The following DLC1 variants were observed in gnomAD, a reference collection of about 807,000 sequenced individuals.
DLC1 encodes rho GTPase-activating protein 7.
DLC1 carries 54 observed loss-of-function variants against 140.3 expected under a neutral mutation model. The ratio of observed to expected loss-of-function variants is 0.38; its 90% CI spans 0.31 to 0.48. The LOEUF (loss-of-function observed/expected upper bound fraction) is 0.48. Among genes scored for constraint, DLC1 ranks in the 20% least tolerant of loss-of-function variants. The pLI, the probability that DLC1 is intolerant of heterozygous loss-of-function variation, is 0.96. For missense variants in DLC1, 2,536 were observed against 1,907.0 expected, an observed-to-expected ratio of 1.33 and a Z score of -6.14; for synonymous variants, 986 against 728.1, an observed-to-expected ratio of 1.35 and a Z score of -5.70.
chr8:13,549,773 G>C (rs1803781170), intron 1 of DLC1, among the ~76,000 whole-genome samples: 1 of 152,042 alleles, frequency 6.6e-6, no homozygotes, highest in Non-Finnish European at 1.5e-5. Context: ...AGACAAAAGT[G>C]GCTCAGGCAT....
At chr8:13,272,898 C>T (rs1452119305) in intron 5 of DLC1, among the ~76,000 whole-genome samples, 4 of 151,966 alleles carry the variant, frequency 2.6e-5, no homozygotes, top group Admixed American at 6.6e-5. Flanking sequence ...AACAAACAAA[C>T]AAAAATAGCT....
intron 5 of DLC1, among the ~76,000 whole-genome samples, chr8:13,120,050 T>G (rs1022465625): frequency 2.0e-5 from 3 of 151,900 alleles, no homozygotes; most frequent in African/African-American, 7.2e-5. Context: ...TTAAAAATAC[T>G]GTATGTAACA....
intron 2 of DLC1, among the ~76,000 whole-genome samples, chr8:13,414,009 T>C (rs961626527): frequency 6.6e-6 from 1 of 151,990 alleles, no homozygotes; most frequent in African/African-American, 2.4e-5. Flanking sequence ...ATTATATCAG[T>C]GATATAAAAA....
At chr8:13,310,568 T>A (rs958787350) in intron 4 of DLC1, among the ~76,000 whole-genome samples, 1 of 152,168 alleles carries the variant, frequency 6.6e-6, no homozygotes, top group Non-Finnish European at 1.5e-5. Flanking sequence ...GATTCACATT[T>A]TTTGGGAAGA....
At position 13,537,003 on chromosome 8, in the gene DLC1, G is replaced by T. The variant is rs73559570; in HGVS notation, c.-125-36807C>A. Among the ~76,000 whole-genome samples the T allele has an allele frequency of 8.7e-3, 1,318 of 152,130 alleles. 14 individuals are homozygous for T. The highest frequency in any genetic ancestry group is 0.03 in the African/African-American group (1,240 of 41,500). On this transcript the variant is annotated intron_variant, in intron 1 of 1. Coordinates refer to the DLC1 transcript ENST00000631382. ...AAATCATTAACATATTTCTTGTTAA[G>T]TAGCCAATATACTGTTTAGGATCTA... is the stretch of plus-strand genomic sequence containing the variant.
In DLC1 at chr8:13,383,551, T is replaced by C. The variant is rs556416598; in HGVS notation, c.1314+10002A>G. Among the ~76,000 whole-genome samples the C allele has an allele frequency of 3.3e-5, 5 of 152,306 alleles. No individual in the cohort carries two copies. In the East Asian group the frequency reaches 9.6e-4, roughly 29 times the overall value. On this transcript the variant is annotated intron_variant, in intron 4 of 17. Transcript: ENST00000276297. The stretch of plus-strand genomic sequence containing the variant: ...TTGCTTGCATTAGAGACATGGCACA[T>C]TGTCACATTGTGGTAACCAGCCTCC...
At chr8:13,472,643 T>G (rs533336094) in intron 2 of DLC1, among the ~76,000 whole-genome samples, 5 of 152,284 alleles carry the variant, frequency 3.3e-5, no homozygotes, top group Admixed American at 6.5e-5. Context: ...GGGCCTCAAT[T>G]GGCAGGGAAT....
intron 1 of DLC1, among the ~76,000 whole-genome samples, chr8:13,520,168 G>A (rs557764743): frequency 2.6e-5 from 4 of 152,168 alleles, no homozygotes; most frequent in Non-Finnish European, 5.9e-5. Flanking sequence ...AAAGACACAT[G>A]CACACATATG....
intron 5 of DLC1, chr8:13,276,604 T>G: frequency 8.1e-7 from 1 of 1,239,694 alleles, no homozygotes; most frequent in Non-Finnish European, 1.0e-6. Context: ...TGGAAAGACT[T>G]ACCCTGCGCC....
intron 4 of DLC1, among the ~76,000 whole-genome samples, chr8:13,330,665 G>T (rs12547072): frequency 0.021 from 3,176 of 152,296 alleles, 51 homozygotes; most frequent in Middle Eastern, 0.041. Context: ...CAAGGCCCAG[G>T]TCACAGGTAT....
rs75478844 is a variant in DLC1 at position 13,278,931 on chromosome 8, G to A, written c.1348+26338C>T. The stretch of plus-strand genomic sequence containing the variant: ...CTTGAAGCTTAGAAAGAAAAAATTC[G>A]AAAAGCTTACATAGTAAGTGGCAGA... On this transcript the variant is annotated intron_variant, in intron 5 of 17. Transcript: ENST00000276297. 1.2e-3 allele frequency among the ~76,000 whole-genome samples: 185 copies of A among 152,214 alleles called. 2 individuals carry two copies. The East Asian group carries it at 0.028, about 23-fold the overall frequency.
intron 3 of DLC1, among the ~76,000 whole-genome samples, chr8:13,397,229 G>A (rs945000271): frequency 6.6e-6 from 1 of 152,160 alleles, no homozygotes; most frequent in African/African-American, 2.4e-5. Context: ...AGAAGGGAAT[G>A]GAAGCTGTGG....
At chr8:13,220,666 G>A (rs900652212) in intron 5 of DLC1, among the ~76,000 whole-genome samples, 1 of 152,074 alleles carries the variant, frequency 6.6e-6, no homozygotes, top group Admixed American at 6.6e-5. Flanking sequence ...CAAATACTGC[G>A]TTACTGTGGA....
chr8:13,478,326 A>G (rs1800533187), intron 2 of DLC1, among the ~76,000 whole-genome samples: 1 of 152,178 alleles, frequency 6.6e-6, no homozygotes, highest in African/African-American at 2.4e-5. Flanking sequence ...ACTCACTATC[A>G]CCAAGGCATC....
intron 5 of DLC1, among the ~76,000 whole-genome samples, chr8:13,213,312 C>A (rs778136331): frequency 2.0e-5 from 3 of 152,086 alleles, no homozygotes; most frequent in African/African-American, 4.8e-5. Flanking sequence ...TCTGTGGGCA[C>A]TATTGTCACC....
intron 1 of DLC1, among the ~76,000 whole-genome samples, chr8:13,590,485 C>G (rs536386436): frequency 1.3e-5 from 2 of 152,116 alleles, no homozygotes; most frequent in Non-Finnish European, 2.9e-5. Flanking sequence ...TGGTGGATAT[C>G]CAGTTCTGAG....
intron 1 of DLC1, among the ~76,000 whole-genome samples, chr8:13,540,209 G>A: frequency 6.6e-6 from 1 of 152,254 alleles, no homozygotes; most frequent in Non-Finnish European, 1.5e-5. Flanking sequence ...TCAATAAATA[G>A]GTGGTCCACA....
intron 1 of DLC1, among the ~76,000 whole-genome samples, chr8:13,508,314 T>G (rs1802198884): frequency 6.6e-6 from 1 of 152,242 alleles, no homozygotes; most frequent in South Asian, 2.1e-4. Context: ...TTTATGATAT[T>G]CTCCTGATAT....
intron 5 of DLC1, among the ~76,000 whole-genome samples, chr8:13,220,390 TG>T (rs1487519175): frequency 6.6e-6 from 1 of 152,108 alleles, no homozygotes; most frequent in African/African-American, 2.4e-5. Flanking sequence ...GTGTAACAAG[TG>T]GGGATCAGGT....
Sources: gnomAD v4.1 joint callset for allele counts (sites outside exome capture counted in the v4.1 genomes callset) on GRCh38, gnomAD v4.1.1 for gene constraint, MANE v1.5 for transcripts, NCBI Gene and HGNC (gene_info 2026-07-23, HGNC 2026-07-21) for gene names.